The following CTIF variants were observed in gnomAD, a reference collection of about 807,000 sequenced individuals.
CTIF encodes CBP80/20-dependent translation initiation factor.
In CTIF, 21 loss-of-function variants were observed where a neutral mutation model predicts 66.0. The observed-to-expected ratio is 0.32, with a 90% CI of 0.23 to 0.46. The LOEUF (loss-of-function observed/expected upper bound fraction) is 0.46. CTIF is among the 20% of genes least tolerant of loss of function. The pLI is 1.00. For missense variants in CTIF, 739 were observed against 812.7 expected, an observed-to-expected ratio of 0.91 and a Z score of 1.10; for synonymous variants, 345 against 326.4, an observed-to-expected ratio of 1.06 and a Z score of -0.62.
intron 9 of CTIF, among the ~76,000 whole-genome samples, chr18:48,798,564 G>A (rs185546547): frequency 5.9e-5 from 9 of 152,354 alleles, no homozygotes; most frequent in Admixed American, 5.2e-4. Flanking sequence ...AAGTAACTGT[G>A]TGGCATACCG....
intron 5 of CTIF, among the ~76,000 whole-genome samples, chr18:48,665,573 T>C (rs1354776512): frequency 6.6e-6 from 1 of 152,238 alleles, no homozygotes; most frequent in Non-Finnish European, 1.5e-5. Flanking sequence ...CATGTCTATC[T>C]AGTTCTGAAA....
Position 48,817,352 on chromosome 18 carries a change from C to T in CTIF, c.1503C>T (p.Cys501=). The T allele has an allele frequency of 6.2e-7, 1 of 1,613,040 alleles. No homozygotes were observed. The highest frequency in any genetic ancestry group is 8.5e-7 in the Non-Finnish European group (1 of 1,179,762). The change falls in exon 10 of 12, where the codon TGC becomes TGT. Residue 501 remains cysteine (C), a synonymous_variant. Coordinates refer to ENST00000256413, the MANE Select transcript of CTIF (RefSeq NM_014772.3). ...GCGAGCCCTTCCGTGTGCTCGTGTG[C>T]CCCATCTACACCTGCCTCAGGGAGG... is the stretch of plus-strand genomic sequence containing the variant. The part of the protein sequence containing the change: ...STGEPFRVLV[C]PIYTCLRELL...
chr18:48,811,603 C>T (rs530157882), intron 9 of CTIF, among the ~76,000 whole-genome samples: 10 of 152,120 alleles, frequency 6.6e-5, no homozygotes, highest in African/African-American at 1.4e-4. Flanking sequence ...ATTCTACTGT[C>T]GTTTCTGTTT....
chr18:48,706,453 C>T (rs2092155793), intron 6 of CTIF, among the ~76,000 whole-genome samples: 1 of 152,146 alleles, frequency 6.6e-6, no homozygotes. Context: ...GCTTTCTGCT[C>T]ACTGTTTGTT....
At chr18:48,781,180 C>T (rs1911173845) in intron 9 of CTIF, among the ~76,000 whole-genome samples, 1 of 152,252 alleles carries the variant, frequency 6.6e-6, no homozygotes, top group South Asian at 2.1e-4. Context: ...CTAGTGCCTC[C>T]TGGCTCCGGC....
At chr18:48,588,366 C>T (rs987433443) in intron 1 of CTIF, among the ~76,000 whole-genome samples, 4 of 152,258 alleles carry the variant, frequency 2.6e-5, no homozygotes, top group African/African-American at 9.6e-5. Flanking sequence ...CCCTCTGGCC[C>T]TCTCAGGTGG....
At chr18:48,544,872 C>T (rs778257778) in intron 1 of CTIF, among the ~76,000 whole-genome samples, 18 of 152,220 alleles carry the variant, frequency 1.2e-4, no homozygotes, top group South Asian at 4.1e-4. Context: ...TGAACAGGTA[C>T]AGCCCCCTGC....
intron 10 of CTIF, among the ~76,000 whole-genome samples, chr18:48,841,985 C>G (rs2068954864): frequency 6.6e-6 from 1 of 152,192 alleles, no homozygotes; most frequent in Non-Finnish European, 1.5e-5. Flanking sequence ...GTGGAGGAGG[C>G]TTTGCCTCCG....
At chr18:48,635,602 G>A (rs2090805050) in intron 2 of CTIF, among the ~76,000 whole-genome samples, 1 of 152,072 alleles carries the variant, frequency 6.6e-6, no homozygotes, top group Non-Finnish European at 1.5e-5. Flanking sequence ...CTGGATTATA[G>A]GTGTGAGCTG....
In CTIF at chr18:48,707,374, C is replaced by T. The variant is rs146241147; in HGVS notation, c.508-4245C>T. Among the ~76,000 whole-genome samples the T allele has an allele frequency of 7.9e-5, 12 of 152,304 alleles. No homozygotes were observed. The East Asian group carries it at 1.2e-3, about 15-fold the overall frequency. ...TTATACTTTTTCCAGATTTCAGGAA[C>T]GTATTGGTCCTTCCTGTCATTGGGT... On this transcript the variant is annotated intron_variant, in intron 6 of 11. Transcript: ENST00000256413.
intron 7 of CTIF, among the ~76,000 whole-genome samples, chr18:48,745,367 A>C (rs1041849078): frequency 9.9e-5 from 15 of 152,236 alleles, no homozygotes; most frequent in African/African-American, 3.4e-4. Context: ...GGTGACTGCC[A>C]AGTTTCTCCA....
intron 1 of CTIF, among the ~76,000 whole-genome samples, chr18:48,585,603 C>A (rs773042172): frequency 6.6e-6 from 1 of 152,156 alleles, no homozygotes; most frequent in Non-Finnish European, 1.5e-5. Context: ...TGGCAGGTGG[C>A]GCATCCTCCA....
intron 3 of CTIF, among the ~76,000 whole-genome samples, chr18:48,639,117 G>A (rs1018363773): frequency 2.6e-5 from 4 of 152,246 alleles, no homozygotes; most frequent in East Asian, 1.9e-4. Flanking sequence ...CAGAGTCTGC[G>A]ACGCCCATGC....
intron 10 of CTIF, among the ~76,000 whole-genome samples, chr18:48,831,912 C>G (rs2068700267): frequency 6.6e-6 from 1 of 152,196 alleles, no homozygotes; most frequent in Non-Finnish European, 1.5e-5. Context: ...TTGAAGTGCC[C>G]AAGACCACAT....
rs1256556787 is a variant in CTIF at position 48,862,358 on chromosome 18, C to T, written c.*2799C>T. 6.6e-6 allele frequency: 1 copy of T among 152,442 alleles called. No individual in the cohort carries two copies. Among genetic ancestry groups the T allele is most frequent in the African/African-American group, 2.4e-5 (1 of 41,462 alleles). 9.4% of individuals were successfully genotyped at this position (152,442 alleles called of 1,614,324 possible). ...CATCTGATGTTGATCCTGTCTCAGT[C>T]TCCCCACTGCCTGTCAGGATGAGTT... On this transcript the variant is annotated 3_prime_UTR_variant, in exon 12 of 12. Transcript: ENST00000256413.
intron 1 of CTIF, among the ~76,000 whole-genome samples, chr18:48,570,835 G>A (rs927311109): frequency 6.6e-6 from 1 of 152,100 alleles, no homozygotes; most frequent in African/African-American, 2.4e-5. Flanking sequence ...GAGGGACAGG[G>A]CTGGAGAGTG....
intron 9 of CTIF, among the ~76,000 whole-genome samples, chr18:48,794,208 A>T (rs2067857802): frequency 1.3e-5 from 2 of 152,216 alleles, no homozygotes; most frequent in African/African-American, 4.8e-5. Context: ...AGAGATATGC[A>T]GTCAATACCA....
At chr18:48,766,361 G>C (rs187563988) in intron 9 of CTIF, among the ~76,000 whole-genome samples, 12 of 152,180 alleles carry the variant, frequency 7.9e-5, no homozygotes, top group African/African-American at 2.7e-4. Flanking sequence ...GTAGGTGGTG[G>C]CTCTGTTTCA....
chr18:48,586,481 G>T (rs1187581964), intron 1 of CTIF, among the ~76,000 whole-genome samples: 1 of 151,822 alleles, frequency 6.6e-6, no homozygotes. Context: ...ATGTTGGCCA[G>T]GCTGGTCTCA....
Sources: gnomAD v4.1 joint callset for allele counts (sites outside exome capture counted in the v4.1 genomes callset) on GRCh38, gnomAD v4.1.1 for gene constraint, MANE v1.5 for transcripts, NCBI Gene and HGNC (gene_info 2026-07-23, HGNC 2026-07-21) for gene names.